ZNF184: variants seen among roughly 807,000 people sequenced by gnomAD.
The protein encoded by ZNF184 is zinc finger protein 184 (Kruppel-like).
A neutral mutation model predicts 54.4 loss-of-function variants in ZNF184; 16 were observed. That is an observed-to-expected ratio of 0.29 (90% confidence interval 0.20 to 0.45). ZNF184 has a LOEUF of 0.45. Among genes scored for constraint, ZNF184 ranks in the 20% least tolerant of loss-of-function variants. The pLI is 1.00. For synonymous variants in ZNF184, 254 were observed against 295.3 expected, an observed-to-expected ratio of 0.86 and a Z score of 1.43; for missense variants, 681 against 888.2, an observed-to-expected ratio of 0.77 and a Z score of 2.97.
the ZNF184 span, among the ~76,000 whole-genome samples, chr6:27,419,918 T>C: frequency 6.6e-6 from 1 of 152,322 alleles, no homozygotes; most frequent in East Asian, 1.9e-4. This position sits in a 1 kb window ranked among gnomAD's most constrained non-coding sequence, Gnocchi z 4.8. Context: ...GTGTCACTTC[T>C]TTGTCCCAAA....
chr6:27,456,627 G>A (rs1260314776), intron 5 of ZNF184, among the ~76,000 whole-genome samples, 199 bp downstream of exon 5: 2 of 152,076 alleles, frequency 1.3e-5, no homozygotes, highest in East Asian at 1.9e-4. Flanking sequence ...TCAAAAAGGG[G>A]CATAACATAG....
chr6:27,443,094 G>T, the ZNF184 span, among the ~76,000 whole-genome samples: 166 of 152,278 alleles, frequency 1.1e-3, 1 homozygote, highest in African/African-American at 3.8e-3. Context: ...GAATTCACAA[G>T]AAAATACATT....
At position 27,453,077 on chromosome 6, in the gene ZNF184, G is replaced by C. The variant is rs755851795; in HGVS notation, c.482C>G (p.Pro161Arg). 6.2e-7 allele frequency: 1 copy of C among 1,613,792 alleles called. No individual in the cohort carries two copies. Among genetic ancestry groups the C allele is most frequent in the South Asian group, 1.1e-5 (1 of 91,058 alleles). Residue 161 changes from proline (P) to arginine (R), a missense_variant, in exon 6 of 6, where the codon CCA becomes CGA. Coordinates refer to ENST00000683788, the MANE Select transcript of ZNF184 (RefSeq NM_001318891.2). This position sits in a 1 kb window ranked among gnomAD's most constrained non-coding sequence, Gnocchi z 4.7. ...CTTTTCGGTTACCTTTATTTCCTTT[G>C]GCAGTGTCTGTTGGTTTGCCTGCTG... Reference protein sequence around the residue: ...ERQQANQQTLPKEIKVTEKTI... With the variant: ...ERQQANQQTLRKEIKVTEKTI...
the ZNF184 span, among the ~76,000 whole-genome samples, chr6:27,424,026 G>A: frequency 6.6e-6 from 1 of 152,144 alleles, no homozygotes; most frequent in Non-Finnish European, 1.5e-5. Context: ...ATGAAGCCAC[G>A]AACCCTCGCG....
the ZNF184 span, among the ~76,000 whole-genome samples, chr6:27,436,198 T>G: frequency 6.6e-6 from 1 of 152,208 alleles, no homozygotes; most frequent in South Asian, 2.1e-4. Flanking sequence ...TTTCTGAGAC[T>G]GAGTCTCACT....
At chr6:27,435,382 A>G in the ZNF184 span, among the ~76,000 whole-genome samples, 3 of 152,074 alleles carry the variant, frequency 2.0e-5, no homozygotes, top group Admixed American at 6.6e-5. Flanking sequence ...TTTATTTTTA[A>G]GTATTTTATT....
the ZNF184 span, among the ~76,000 whole-genome samples, chr6:27,423,805 C>T: frequency 1.3e-5 from 2 of 152,178 alleles, no homozygotes; most frequent in African/African-American, 4.8e-5. Flanking sequence ...AAAATGTTCA[C>T]ATATTCATTT....
chr6:27,405,720 C>CCAT, the ZNF184 span: 1 of 152,396 alleles, frequency 6.6e-6, no homozygotes, highest in South Asian at 2.1e-4. Flanking sequence ...ATGGGGTAAG[C>CCAT]CATCCACACG....
At chr6:27,434,366 C>A in the ZNF184 span, among the ~76,000 whole-genome samples, 2 of 152,154 alleles carry the variant, frequency 1.3e-5, no homozygotes, top group African/African-American at 4.8e-5. Flanking sequence ...TAGTAACCAT[C>A]CTAATGGGTG....
At chr6:27,424,022 C>T in the ZNF184 span, among the ~76,000 whole-genome samples, 5 of 152,142 alleles carry the variant, frequency 3.3e-5, no homozygotes, top group Admixed American at 1.3e-4. Context: ...AAGAATGAAG[C>T]CACGAACCCT....
chr6:27,466,137 A>AGAGG, intron 3 of ZNF184, among the ~76,000 whole-genome samples: 2 of 118,696 alleles, frequency 1.7e-5, no homozygotes, highest in African/African-American at 3.4e-5. Context: ...AGTCAGAGTC[A>AGAGG]GAGGGAGAGA....
chr6:27,425,280 G>T, the ZNF184 span, among the ~76,000 whole-genome samples: 1 of 152,260 alleles, frequency 6.6e-6, no homozygotes, highest in Non-Finnish European at 1.5e-5. Flanking sequence ...CTCCCACAGT[G>T]CAGTGGTGGG....
At chr6:27,424,006 G>A in the ZNF184 span, among the ~76,000 whole-genome samples, 1 of 152,152 alleles carries the variant, frequency 6.6e-6, no homozygotes, top group African/African-American at 2.4e-5. Flanking sequence ...TGGTCTCACT[G>A]ACTTCAAGAA....
intron 2 of ZNF184, among the ~76,000 whole-genome samples, chr6:27,468,776 T>C (rs531075610): frequency 1.3e-5 from 2 of 152,354 alleles, no homozygotes; most frequent in Admixed American, 1.3e-4. Context: ...TAATGCATAC[T>C]GTATGACTAT....
the ZNF184 span, among the ~76,000 whole-genome samples, chr6:27,440,009 TA>T: frequency 4.0e-5 from 6 of 151,482 alleles, no homozygotes; most frequent in South Asian, 4.2e-4. Flanking sequence ...CTTTATATGC[TA>T]AAAAAAAACT....
downstream of ZNF184, among the ~76,000 whole-genome samples, chr6:27,446,979 T>C (rs1257435621): frequency 6.7e-6 from 1 of 150,366 alleles, no homozygotes; most frequent in Non-Finnish European, 1.5e-5. Context: ...ACCCTGTCTC[T>C]ACTAAAAATA....
At chr6:27,407,600 C>T in the ZNF184 span, 2 of 537,556 alleles carry the variant, frequency 3.7e-6, no homozygotes, top group South Asian at 2.0e-5. Flanking sequence ...CAAGTATGAA[C>T]TTACACAAAC....
chr6:27,461,342 T>C (rs1013170766), intron 3 of ZNF184, among the ~76,000 whole-genome samples: 7 of 152,198 alleles, frequency 4.6e-5, no homozygotes, highest in African/African-American at 1.7e-4. Context: ...CTGATCCTCT[T>C]TTGTATGCTT....
chr6:27,464,408 A>G (rs114627039), intron 3 of ZNF184, among the ~76,000 whole-genome samples: 2,527 of 152,324 alleles, frequency 0.017, 40 homozygotes, highest in Non-Finnish European at 0.026. Flanking sequence ...GTAAAATGGA[A>G]TATCACTTGA....
Sources: gnomAD v4.1 joint callset for allele counts (sites outside exome capture counted in the v4.1 genomes callset) on GRCh38, gnomAD v4.1.1 for gene constraint, Gnocchi (gnomAD v3.1) non-coding constraint, MANE v1.5 for transcripts, NCBI Gene and HGNC (gene_info 2026-07-23, HGNC 2026-07-21) for gene names.